CLEC19A: variants seen among roughly 807,000 people sequenced by gnomAD.
CLEC19A encodes the protein C-type lectin domain containing 19A.
Under a neutral mutation model 26.1 loss-of-function variants are expected in CLEC19A, and 21 were observed. The observed-to-expected ratio is 0.80, with a 90% CI of 0.57 to 1.16. CLEC19A has a LOEUF of 1.16. Ranked by LOEUF, CLEC19A falls within the 50% of genes most tolerant of loss-of-function variation. The pLI is 0.00. For missense variants in CLEC19A, 224 were observed against 227.6 expected (o/e 0.98, Z 0.10); for synonymous variants, 89 against 88.6 (o/e 1.00, Z -0.03).
intron 1 of CLEC19A, among the ~76,000 whole-genome samples, chr16:19,287,400 G>C (rs997422298): frequency 6.6e-6 from 1 of 151,984 alleles, no homozygotes; most frequent in Non-Finnish European, 1.5e-5. Flanking sequence ...ACTTCCCAAA[G>C]GTCCCCCCTC....
chr16:19,285,770 G>A lies in CLEC19A; in HGVS notation c.-82G>A. 1.6e-6 allele frequency: 2 copies of A among 1,235,048 alleles called. No individual in the cohort carries two copies. Among genetic ancestry groups the A allele is most frequent in the South Asian group, 1.3e-5 (1 of 77,498 alleles). The allele number at this position is 1,235,048 out of a possible 1,614,324, so 76.5% of individuals were successfully genotyped here. Reference sequence around the variant, plus strand: ...CCTGCCAGGCTCCATCTGACCCTAGGAGAGCAATCCTGGACCCAAGCTCCA... The same window carrying A: ...CCTGCCAGGCTCCATCTGACCCTAGAAGAGCAATCCTGGACCCAAGCTCCA... On this transcript the variant is annotated 5_prime_UTR_variant, in exon 1 of 5. Coordinates refer to ENST00000636231, the MANE Select transcript of CLEC19A (RefSeq NM_001256720.2).
At chr16:19,301,774 G>A (rs182579547) in intron 2 of CLEC19A, among the ~76,000 whole-genome samples, 1,407 of 32,012 alleles carry the variant, frequency 0.044, 15 homozygotes, top group Non-Finnish European at 0.077. Flanking sequence ...TGTATTTTTA[G>A]CAGAGACGGA....
intron 3 of CLEC19A, chr16:19,305,277 T>C (rs1897927515): frequency 6.6e-6 from 1 of 152,196 alleles, no homozygotes; most frequent in Non-Finnish European, 1.5e-5. Context: ...AGAGACAGCA[T>C]ATTCCAGGTA....
chr16:19,305,328 C>T (rs1897928710), intron 3 of CLEC19A: 1 of 152,330 alleles, frequency 6.6e-6, no homozygotes, highest in African/African-American at 2.4e-5. Context: ...AAGAGGAGGT[C>T]CTGGCACATT....
intron 2 of CLEC19A, among the ~76,000 whole-genome samples, chr16:19,300,315 A>G (rs577310353): frequency 6.6e-6 from 1 of 152,200 alleles, no homozygotes; most frequent in African/African-American, 2.4e-5. Flanking sequence ...ATGGGAGGCT[A>G]AGATGGGAGG....
Position 19,285,832 on chromosome 16 carries a change from T to C in CLEC19A, c.-20T>C. ...TCTCTCCTCCACTCAGGCTGGGAGG[T>C]TGCTTTCTAGGAGCTCAGGATGCAA... On this transcript the variant is annotated 5_prime_UTR_variant, in exon 1 of 5. Transcript: ENST00000636231. The C allele has an allele frequency of 6.5e-7, 1 of 1,549,392 alleles. No homozygotes were observed. The highest frequency in any genetic ancestry group is 8.7e-7 in the Non-Finnish European group (1 of 1,146,302).
intron 2 of CLEC19A, 22 bp downstream of exon 2, chr16:19,298,860 C>A (rs746313075): frequency 1.4e-5 from 21 of 1,540,748 alleles, no homozygotes; most frequent in Non-Finnish European, 1.8e-5. Flanking sequence ...CCCCAGTGCC[C>A]CATAGTTCAA....
At chr16:19,295,957 T>A (rs1023143305) in intron 1 of CLEC19A, among the ~76,000 whole-genome samples, 1 of 152,164 alleles carries the variant, frequency 6.6e-6, no homozygotes, top group East Asian at 1.9e-4. Context: ...CCTAGACCAA[T>A]GCTCTCCATC....
chr16:19,290,826 C>CTT (rs3034526), intron 1 of CLEC19A, among the ~76,000 whole-genome samples: 96,290 of 151,818 alleles, frequency 0.63, 31,650 homozygotes, highest in East Asian at 0.92. Flanking sequence ...TATTTTTGCT[C>CTT]CTTTTTCTTT....
In CLEC19A at chr16:19,291,272, A is replaced by G. The variant is rs140738766; in HGVS notation, c.88+5333A>G. 5.9e-3 allele frequency among the ~76,000 whole-genome samples: 899 copies of G among 152,306 alleles called. 29 individuals carry two copies. The highest frequency in any genetic ancestry group is 0.053 in the Admixed American group (816 of 15,296). The stretch of plus-strand genomic sequence containing the variant: ...TGCCTGAGACCAAGTAGGTGCTCAA[A>G]TAGTACTTGTTGAATGGATAAAGGA... On this transcript the variant is annotated intron_variant, in intron 1 of 4. Coordinates refer to ENST00000636231, the MANE Select transcript of CLEC19A (RefSeq NM_001256720.2).
chr16:19,288,248 C>T (rs1897512548), intron 1 of CLEC19A, among the ~76,000 whole-genome samples: 1 of 152,158 alleles, frequency 6.6e-6, no homozygotes, highest in Admixed American at 6.5e-5. Flanking sequence ...AAAGTGATTT[C>T]AACACAGAGG....
chr16:19,294,036 C>T (rs1201400583), intron 1 of CLEC19A, among the ~76,000 whole-genome samples: 3 of 152,140 alleles, frequency 2.0e-5, no homozygotes, highest in South Asian at 4.2e-4. Flanking sequence ...CCATTAACCA[C>T]CCCCACTTTT....
chr16:19,298,591 G>A, intron 1 of CLEC19A, 82 bp from the exon 2 acceptor site: 2 of 1,390,612 alleles, frequency 1.4e-6, no homozygotes, highest in Non-Finnish European at 1.9e-6. Context: ...AGATTGTAAA[G>A]AAAAGAAAAT....
chr16:19,310,194 T>G lies in CLEC19A; in HGVS notation c.*1111T>G, dbSNP rs947313622. 4.6e-5 allele frequency: 7 copies of G among 151,952 alleles called. No homozygotes were observed. Among genetic ancestry groups the G allele is most frequent in the Non-Finnish European group, 1.0e-4 (7 of 68,004 alleles). The allele number at this position is 151,952 out of a possible 1,614,324, so 9.4% of individuals were successfully genotyped here. A position where few individuals can be genotyped will look rare whatever the true frequency, so the allele number is the denominator to read the frequency against. The stretch of plus-strand genomic sequence containing the variant: ...ATTTAAATATAAGTGGTCGGCCAGG[T>G]GTAGTGGCTCATGCCTGTAATCCCA... On this transcript the variant is annotated 3_prime_UTR_variant, in exon 5 of 5. Transcript: ENST00000636231.
Position 19,310,017 on chromosome 16 carries a change from AG to A in CLEC19A, c.*935del, listed in dbSNP as rs1189463904. 6.6e-6 allele frequency: 1 copy of A among 152,202 alleles called. No individual in the cohort carries two copies. The highest frequency in any genetic ancestry group is 6.5e-5 in the Admixed American group (1 of 15,280). 9.4% of individuals were successfully genotyped at this position (152,202 alleles called of 1,614,324 possible). ...GCTGGTTCTTCAAAGGAAAACAAAA[AG>A]ATTACCAAACTCATAAATTGCTGGT... On this transcript the variant is annotated 3_prime_UTR_variant, in exon 5 of 5. Coordinates refer to ENST00000636231, the MANE Select transcript of CLEC19A (RefSeq NM_001256720.2).
intron 3 of CLEC19A, among the ~76,000 whole-genome samples, chr16:19,306,787 C>A (rs2143011300): frequency 6.6e-6 from 1 of 152,238 alleles, no homozygotes; most frequent in Non-Finnish European, 1.5e-5. Context: ...AAGTAACTTG[C>A]CCAGGTTGCA....
intron 2 of CLEC19A, among the ~76,000 whole-genome samples, chr16:19,302,013 C>G (rs932296500): frequency 1.3e-5 from 2 of 151,940 alleles, no homozygotes; most frequent in Admixed American, 6.6e-5. Flanking sequence ...TTATAATAAA[C>G]TATAATTCTG....
At chr16:19,292,895 G>A (rs1039265089) in intron 1 of CLEC19A, among the ~76,000 whole-genome samples, 7 of 152,164 alleles carry the variant, frequency 4.6e-5, no homozygotes, top group African/African-American at 1.7e-4. Context: ...AAAGGCAAAG[G>A]GAACACCTGT....
chr16:19,285,808 C>T lies in CLEC19A; in HGVS notation c.-44C>T, dbSNP rs1897450131. The T allele has an allele frequency of 6.5e-7, 1 of 1,527,924 alleles. No homozygotes were observed. Among genetic ancestry groups the T allele is most frequent in the East Asian group, 2.5e-5 (1 of 40,766 alleles). The allele number at this position is 1,527,924 out of a possible 1,614,324, so 94.6% of individuals were successfully genotyped here. A position where few individuals can be genotyped will look rare whatever the true frequency, so the allele number is the denominator to read the frequency against. On this transcript the variant is annotated 5_prime_UTR_variant, in exon 1 of 5. Transcript: ENST00000636231. Reference sequence around the variant, plus strand: ...GACCCAAGCTCCAGCCAAAAAGCCTCTCTCCTCCACTCAGGCTGGGAGGTT... The same window carrying T: ...GACCCAAGCTCCAGCCAAAAAGCCTTTCTCCTCCACTCAGGCTGGGAGGTT...
Sources: allele counts gnomAD v4.1 joint callset (sites outside exome capture counted in the v4.1 genomes callset), GRCh38; gene constraint gnomAD v4.1.1; transcripts MANE v1.5; gene names NCBI Gene and HGNC (gene_info 2026-07-23, HGNC 2026-07-21).